KCNK10: variants seen among roughly 807,000 people sequenced by gnomAD.
KCNK10 encodes the protein potassium two pore domain channel subfamily K member 10, also known as potassium channel subfamily K member 10.
Under a neutral mutation model 47.7 loss-of-function variants are expected in KCNK10, and 25 were observed. The ratio of observed to expected loss-of-function variants is 0.52; its 90% CI spans 0.38 to 0.73. The LOEUF (loss-of-function observed/expected upper bound fraction) is 0.73, where lower values mean the gene tolerates loss of function less well. Ranked by LOEUF, KCNK10 falls within the 30% of genes least tolerant of loss-of-function variation. The pLI, the probability that KCNK10 is intolerant of heterozygous loss-of-function variation, is 0.00. For synonymous variants in KCNK10, 303 were observed against 285.6 expected (o/e 1.06, Z -0.61); for missense variants, 563 against 714.5 (o/e 0.79, Z 2.42).
chr14:88,295,292 A>C (rs993689007), intron 1 of KCNK10, among the ~76,000 whole-genome samples: 1 of 152,234 alleles, frequency 6.6e-6, no homozygotes, highest in Non-Finnish European at 1.5e-5. Flanking sequence ...ATGAATAGCC[A>C]CCTTGGACAT....
chr14:88,305,185 C>A (rs957401407), intron 1 of KCNK10, among the ~76,000 whole-genome samples: 6 of 150,858 alleles, frequency 4.0e-5, no homozygotes, highest in Admixed American at 1.3e-4. Context: ...GGTGATAGAA[C>A]AAGACCCTAA....
intron 1 of KCNK10, among the ~76,000 whole-genome samples, chr14:88,267,407 C>T (rs1189048919): frequency 6.7e-6 from 1 of 149,846 alleles, no homozygotes; most frequent in Admixed American, 6.6e-5. Context: ...GTCTTGCTCT[C>T]TCGCCCAGGC....
chr14:88,321,574 C>T (rs1319383313), intron 1 of KCNK10, among the ~76,000 whole-genome samples: 1 of 152,098 alleles, frequency 6.6e-6, no homozygotes, highest in Non-Finnish European at 1.5e-5. Context: ...TCCATATTTC[C>T]AGAGATTTCA....
At chr14:88,248,324 T>C (rs531973518) in intron 2 of KCNK10, among the ~76,000 whole-genome samples, 1 of 152,234 alleles carries the variant, frequency 6.6e-6, no homozygotes, top group Non-Finnish European at 1.5e-5. Flanking sequence ...AATATTTAGA[T>C]GATTAATAAC....
In KCNK10 at chr14:88,226,629, A is replaced by T. The variant is rs140164580; in HGVS notation, c.681+746T>A. ...CTGTGAAAGCATACAAATGAGTGCG[A>T]GTTAAAGGGCATTGGGAACCCCGGT... On this transcript the variant is annotated intron_variant, in intron 4 of 6. Transcript: ENST00000319231. Among the ~76,000 whole-genome samples the T allele has an allele frequency of 6.2e-3, 950 of 152,308 alleles. 10 individuals are homozygous for T. Among genetic ancestry groups the T allele is most frequent in the African/African-American group, 0.022 (911 of 41,540 alleles).
intron 4 of KCNK10, among the ~76,000 whole-genome samples, chr14:88,210,637 C>T (rs1885424433): frequency 6.6e-6 from 1 of 152,086 alleles, no homozygotes; most frequent in Non-Finnish European, 1.5e-5. Context: ...AGGAAAGACT[C>T]ACAGGGACAC....
chr14:88,244,452 A>C (rs1280955864), intron 2 of KCNK10, among the ~76,000 whole-genome samples: 1 of 152,160 alleles, frequency 6.6e-6, no homozygotes. Context: ...GTGGATCACA[A>C]GGTCAGGAGT....
chr14:88,270,940 G>T (rs769558527), intron 1 of KCNK10: 3 of 707,648 alleles, frequency 4.2e-6, no homozygotes, highest in Non-Finnish European at 5.2e-6. Context: ...AGGACCTGGC[G>T]CCTGCCTATC....
chr14:88,275,481 C>T (rs866995151), intron 1 of KCNK10, among the ~76,000 whole-genome samples: 3 of 151,980 alleles, frequency 2.0e-5, no homozygotes, highest in African/African-American at 4.8e-5. Context: ...AAGCAGATCC[C>T]GGATGAGAAT....
At chr14:88,203,304 C>G (rs1885162838) in intron 4 of KCNK10, among the ~76,000 whole-genome samples, 2 of 152,176 alleles carry the variant, frequency 1.3e-5, no homozygotes, top group South Asian at 4.1e-4. Flanking sequence ...CCAACCATCC[C>G]AAGGATTTGG....
At chr14:88,312,645 G>C (rs542239345) in intron 1 of KCNK10, among the ~76,000 whole-genome samples, 1 of 152,344 alleles carries the variant, frequency 6.6e-6, no homozygotes, top group South Asian at 2.1e-4. Context: ...GACTCTGTAA[G>C]AGAAGTGGGA....
chr14:88,251,032 A>T (rs1886780954), intron 2 of KCNK10, among the ~76,000 whole-genome samples: 1 of 151,926 alleles, frequency 6.6e-6, no homozygotes, highest in African/African-American at 2.4e-5. Flanking sequence ...CAAGAGTTCA[A>T]GACCAGCCTG....
rs568798548 is a variant in KCNK10, at chr14:88,298,278, A to G, written c.52+24469T>C. 1.2e-3 allele frequency among the ~76,000 whole-genome samples: 180 copies of G among 152,334 alleles called. 1 individual carries two copies. Among genetic ancestry groups the G allele is most frequent in the African/African-American group, 4.2e-3 (175 of 41,574 alleles). On this transcript the variant is annotated intron_variant, in intron 1 of 6. Coordinates refer to ENST00000319231, the MANE Select transcript of KCNK10 (RefSeq NM_138317.3). ...GCAACCTCTGCACCTCTCCAGCATG[A>G]AAAGCCAAACAGAAATTGTATGGCT... is the stretch of plus-strand genomic sequence containing the variant.
At chr14:88,197,613 T>C (rs1384314320) in intron 4 of KCNK10, among the ~76,000 whole-genome samples, 1 of 43,802 alleles carries the variant, frequency 2.3e-5, no homozygotes, top group Admixed American at 2.3e-4. Flanking sequence ...AAAAAAAAAA[T>C]CAACTGTTCC....
chr14:88,287,405 T>C (rs985076602), intron 1 of KCNK10, among the ~76,000 whole-genome samples: 2 of 152,140 alleles, frequency 1.3e-5, no homozygotes, highest in African/African-American at 4.8e-5. Context: ...TTGTGAAATT[T>C]TGGTGCACCC....
At chr14:88,270,801 G>A in intron 1 of KCNK10, 1 of 781,040 alleles carries the variant, frequency 1.3e-6, no homozygotes, top group East Asian at 2.4e-5. Flanking sequence ...TACCAGCCAT[G>A]TACATGGTGT....
rs1422961691 is a variant in KCNK10, at chr14:88,260,568, A to C, written c.402+2634T>G. 6.6e-6 allele frequency among the ~76,000 whole-genome samples: 1 copy of C among 152,226 alleles called. No homozygotes were observed. The highest frequency in any genetic ancestry group is 2.4e-5 in the African/African-American group (1 of 41,460). Reference sequence around the variant, plus strand: ...AGGGCCTGTAGACTATTTGGATGAGAGAGTGTACAGTCAGTCCAACCTTGC... The same window carrying C: ...AGGGCCTGTAGACTATTTGGATGAGCGAGTGTACAGTCAGTCCAACCTTGC... On this transcript the variant is annotated intron_variant, in intron 2 of 6. Transcript: ENST00000319231. The surrounding 1 kb of genome is among the most constrained non-coding windows in gnomAD (Gnocchi z 4.5).
intron 1 of KCNK10, among the ~76,000 whole-genome samples, chr14:88,304,115 A>AT: frequency 6.6e-6 from 1 of 152,138 alleles, no homozygotes; most frequent in East Asian, 1.9e-4. Context: ...CAGGAGTTGG[A>AT]GACCAGCCTG....
rs762860155 is a variant in KCNK10 at position 88,185,857 on chromosome 14, T to C, written c.1310A>G (p.Asn437Ser). Residue 437 changes from asparagine (N) to serine (S), a missense_variant, in exon 7 of 7, where the codon AAC (asparagine) becomes AGC (serine). Coordinates refer to ENST00000319231, the MANE Select transcript of KCNK10 (RefSeq NM_138317.3). This position sits in a 1 kb window ranked among gnomAD's most constrained non-coding sequence, Gnocchi z 4.3. Reference protein sequence around the residue: ...NLRLKGPEQLNKHGQGASEDN... With the variant: ...NLRLKGPEQLSKHGQGASEDN... ...CTCGGACGCACCCTGCCCATGCTTG[T>C]TCAGCTGCTCCGGCCCCTTCAGGCG... 1.2e-6 allele frequency: 2 copies of C among 1,614,172 alleles called. No individual in the cohort carries two copies. Among genetic ancestry groups the C allele is most frequent in the African/African-American group, 1.3e-5 (1 of 75,042 alleles).
Sources: allele counts gnomAD v4.1 joint callset (sites outside exome capture counted in the v4.1 genomes callset), GRCh38; gene constraint gnomAD v4.1.1; non-coding constraint Gnocchi (gnomAD v3.1); transcripts MANE v1.5; gene names NCBI Gene and HGNC (gene_info 2026-07-23, HGNC 2026-07-21).